The following KAZN variants were observed in gnomAD, a reference collection of about 807,000 sequenced individuals.
KAZN encodes kazrin.
KAZN carries 40 observed loss-of-function variants against 87.4 expected under a neutral mutation model. The observed-to-expected ratio is 0.46, with a 90% CI of 0.36 to 0.60. KAZN has a LOEUF of 0.60. Ranked by LOEUF, KAZN falls within the 20% of genes least tolerant of loss-of-function variation. The pLI is 0.00. For synonymous variants in KAZN, 466 were observed against 458.3 expected (o/e 1.02, Z -0.22); for missense variants, 898 against 1,073.9 (o/e 0.84, Z 2.29).
chr1:14,341,404 T>C (rs908243088), intron 2 of KAZN, among the ~76,000 whole-genome samples: 1 of 152,146 alleles, frequency 6.6e-6, no homozygotes, highest in African/African-American at 2.4e-5. Context: ...CTGCAGCTCC[T>C]GGGCTCAGGG....
At chr1:14,403,822 G>T (rs1254892934) in intron 2 of KAZN, among the ~76,000 whole-genome samples, 3 of 152,130 alleles carry the variant, frequency 2.0e-5, no homozygotes, top group Non-Finnish European at 4.4e-5. Context: ...TTTTTCTGGG[G>T]TAATACCCAA....
intron 1 of KAZN, among the ~76,000 whole-genome samples, chr1:14,954,217 C>T (rs534803801): frequency 6.6e-6 from 1 of 152,340 alleles, no homozygotes; most frequent in African/African-American, 2.4e-5. Context: ...ACAATGTTTA[C>T]TTCCTGCTAC....
chr1:13,907,827 CA>C (rs1639502145), intron 1 of KAZN, among the ~76,000 whole-genome samples: 1 of 152,174 alleles, frequency 6.6e-6, no homozygotes, highest in Non-Finnish European at 1.5e-5. Flanking sequence ...TCTCCCACCG[CA>C]ACATTTTTTT....
intron 2 of KAZN, among the ~76,000 whole-genome samples, chr1:14,251,719 G>A (rs1000308594): frequency 4.2e-5 from 6 of 142,776 alleles, no homozygotes; most frequent in Non-Finnish European, 1.5e-5. Flanking sequence ...CATGATCATG[G>A]CTCACTGCAG....
intron 1 of KAZN, among the ~76,000 whole-genome samples, chr1:14,145,759 T>G (rs191335254): frequency 1.6e-3 from 249 of 152,270 alleles, no homozygotes; most frequent in African/African-American, 5.7e-3. Flanking sequence ...TTTTGTATTT[T>G]TAGTAGAGAC....
intron 1 of KAZN, among the ~76,000 whole-genome samples, chr1:14,801,561 G>A (rs534575866): frequency 4.6e-5 from 7 of 152,264 alleles, no homozygotes; most frequent in East Asian, 3.9e-4. Flanking sequence ...GATAGTGGCC[G>A]TTTACCATGC....
chr1:15,112,223 C>T (rs925138672), intron 13 of KAZN: 2 of 579,742 alleles, frequency 3.4e-6, no homozygotes, highest in Non-Finnish European at 6.2e-6. Flanking sequence ...GCTGGCAGTC[C>T]CAAGCCCCAG....
intron 7 of KAZN, among the ~76,000 whole-genome samples, chr1:15,065,132 G>C (rs746816495): frequency 2.1e-5 from 3 of 145,146 alleles, no homozygotes; most frequent in Non-Finnish European, 4.5e-5. Context: ...GGGTTCAAGT[G>C]ATTCTCCTGC....
intron 2 of KAZN, among the ~76,000 whole-genome samples, chr1:14,444,903 C>A (rs546225958): frequency 1.3e-5 from 2 of 152,258 alleles, no homozygotes; most frequent in Non-Finnish European, 2.9e-5. Flanking sequence ...TTGTTCCCCC[C>A]AAAATTCACA....
chr1:14,921,218 G>C (rs868205786), intron 1 of KAZN, among the ~76,000 whole-genome samples: 1 of 151,126 alleles, frequency 6.6e-6, no homozygotes, highest in African/African-American at 2.4e-5. Context: ...AAACTGCACT[G>C]AGTAAAAGTT....
intron 1 of KAZN, among the ~76,000 whole-genome samples, chr1:14,900,203 A>G (rs942816783): frequency 6.6e-6 from 1 of 152,148 alleles, no homozygotes; most frequent in Non-Finnish European, 1.5e-5. Flanking sequence ...CCCAGGGCCA[A>G]TGTTCTGATT....
intron 1 of KAZN, among the ~76,000 whole-genome samples, chr1:14,849,543 C>A (rs1157687183): frequency 2.0e-5 from 3 of 152,126 alleles, no homozygotes; most frequent in Admixed American, 2.0e-4. Context: ...TGGGGAAGAT[C>A]ATTCCAAAAC....
intron 2 of KAZN, among the ~76,000 whole-genome samples, chr1:14,987,657 A>G (rs1286851785): frequency 2.0e-5 from 3 of 152,174 alleles, no homozygotes; most frequent in African/African-American, 7.2e-5. Flanking sequence ...GTAGCTGGAA[A>G]GTGAAGGATG....
chr1:14,491,467 G>A (rs1381245224), intron 2 of KAZN, among the ~76,000 whole-genome samples: 2 of 152,004 alleles, frequency 1.3e-5, no homozygotes, highest in East Asian at 1.9e-4. Flanking sequence ...CCTACCCGCC[G>A]ACAGGTCCCG....
At chr1:14,481,589 G>C (rs533493741) in intron 2 of KAZN, among the ~76,000 whole-genome samples, 1 of 152,230 alleles carries the variant, frequency 6.6e-6, no homozygotes, top group South Asian at 2.1e-4. Context: ...GACAAGGAAA[G>C]TAATCTTGCC....
chr1:14,419,440 C>T (rs929456530), intron 2 of KAZN, among the ~76,000 whole-genome samples: 2 of 152,178 alleles, frequency 1.3e-5, no homozygotes, highest in African/African-American at 4.8e-5. Flanking sequence ...GTGCCCAAAG[C>T]CTGTGCTCTG....
chr1:14,131,493 C>T (rs937105460), intron 1 of KAZN, among the ~76,000 whole-genome samples: 2 of 152,062 alleles, frequency 1.3e-5, no homozygotes, highest in African/African-American at 4.8e-5. Flanking sequence ...AAGGAGAAAC[C>T]TTCTCCAGCA....
chr1:14,227,692 T>C (rs373067068), intron 2 of KAZN, among the ~76,000 whole-genome samples: 1 of 152,142 alleles, frequency 6.6e-6, no homozygotes. Flanking sequence ...CACCTCTTGA[T>C]GAGAGGAGTG....
chr1:14,840,681 G>T (rs768729938), intron 1 of KAZN, among the ~76,000 whole-genome samples: 1 of 152,214 alleles, frequency 6.6e-6, no homozygotes, highest in Non-Finnish European at 1.5e-5. Flanking sequence ...ATTTAGCCTG[G>T]ATGCTGCCTC....
Sources: gnomAD v4.1 joint callset for allele counts (sites outside exome capture counted in the v4.1 genomes callset) on GRCh38, gnomAD v4.1.1 for gene constraint, MANE v1.5 for transcripts, NCBI Gene and HGNC (gene_info 2026-07-23, HGNC 2026-07-21) for gene names.